The following KCNT2 variants were observed in gnomAD, a reference collection of about 807,000 sequenced individuals.
The protein encoded by KCNT2 is potassium channel subfamily T member 2.
A neutral mutation model predicts 153.8 loss-of-function variants in KCNT2; 67 were observed. The ratio of observed to expected loss-of-function variants is 0.44; its 90% CI spans 0.36 to 0.53. The LOEUF (loss-of-function observed/expected upper bound fraction) is 0.53, where lower values mean the gene tolerates loss of function less well. Among genes scored for constraint, KCNT2 ranks in the 20% least tolerant of loss-of-function variants. The probability of loss-of-function intolerance (pLI) is 0.00; values close to 1 mark genes in which losing one functional copy is unlikely to be tolerated. For synonymous variants in KCNT2, 500 were observed against 458.8 expected, an observed-to-expected ratio of 1.09 and a Z score of -1.15; for missense variants, 975 against 1,354.8, an observed-to-expected ratio of 0.72 and a Z score of 4.40.
chr1:196,434,676 A>G (rs1222417118), intron 8 of KCNT2, among the ~76,000 whole-genome samples: 1 of 151,964 alleles, frequency 6.6e-6, no homozygotes, highest in African/African-American at 2.4e-5. Flanking sequence ...TGTACCACCC[A>G]TCAAGATATG....
intron 26 of KCNT2, among the ~76,000 whole-genome samples, chr1:196,250,114 A>T (rs528415346): frequency 2.0e-5 from 3 of 152,184 alleles, no homozygotes; most frequent in African/African-American, 7.2e-5. Context: ...TAAAATTTAT[A>T]TGGTACCACA....
rs561944079 is a variant in KCNT2, at chr1:196,451,217, C to CTTT, written c.638+14073_638+14075dup. Among the ~76,000 whole-genome samples the CTTT allele has an allele frequency of 3.1e-3, 197 of 63,526 alleles. 7 individuals carry two copies. The highest frequency in any genetic ancestry group is 5.8e-3 in the Admixed American group (21 of 3,640). 41.7% of individuals were successfully genotyped at this position (63,526 alleles called of 152,430 possible). A position where few individuals can be genotyped will look rare whatever the true frequency, so the allele number is the denominator to read the frequency against. On this transcript the variant is annotated intron_variant, in intron 8 of 27. Coordinates refer to ENST00000294725, the MANE Select transcript of KCNT2 (RefSeq NM_198503.5). Reference sequence around the variant, plus strand: ...GCTATATCCCTCTTAATCCCTCTTTCTTTTTTTTTTTTTTTTTTTTTTTTT... The same window carrying CTTT: ...GCTATATCCCTCTTAATCCCTCTTTCTTTTTTTTTTTTTTTTTTTTTTTTTTTT...
intron 14 of KCNT2, among the ~76,000 whole-genome samples, chr1:196,346,286 G>A (rs999199740): frequency 6.6e-6 from 1 of 151,832 alleles, no homozygotes. Flanking sequence ...TAATATTTTA[G>A]GACTAATATT....
intron 25 of KCNT2, among the ~76,000 whole-genome samples, chr1:196,268,874 A>G (rs1571855700): frequency 6.6e-6 from 1 of 152,072 alleles, no homozygotes; most frequent in Non-Finnish European, 1.5e-5. Context: ...TTAACATCCA[A>G]ACCAAATTTT....
intron 1 of KCNT2, among the ~76,000 whole-genome samples, chr1:196,577,995 T>C (rs1213179449): frequency 1.3e-5 from 2 of 152,160 alleles, no homozygotes. Flanking sequence ...ATTTTTTTTT[T>C]ATTAGGAAAA....
intron 16 of KCNT2, among the ~76,000 whole-genome samples, chr1:196,339,520 CAGAGAGAGAGAGAGAGAG>C (rs5779831): frequency 7.3e-6 from 1 of 137,908 alleles, no homozygotes; most frequent in African/African-American, 2.9e-5. Context: ...CACACACACA[CAGAGAGAGAGAGAGAGAG>C]AGAGAGAGAG....
At chr1:196,327,668 C>CTTTTTTTTTTTTTTTTTTTTTTTTTTTTT (rs773639795) in intron 18 of KCNT2, among the ~76,000 whole-genome samples, 1 of 127,898 alleles carries the variant, frequency 7.8e-6, no homozygotes, top group Non-Finnish European at 1.6e-5. Context: ...ATATTCTGAT[C>CTTTTTTTTTTTTTTTTTTTTTTTTTTTTT]TTTTTTTTTT....
intron 13 of KCNT2, among the ~76,000 whole-genome samples, chr1:196,374,417 C>T (rs1255491697): frequency 2.6e-5 from 4 of 151,616 alleles, no homozygotes; most frequent in African/African-American, 9.7e-5. Flanking sequence ...TTTTATTTTG[C>T]TTTCATTTTT....
intron 26 of KCNT2, among the ~76,000 whole-genome samples, chr1:196,236,690 AAT>A (rs1022914453): frequency 2.0e-5 from 3 of 151,546 alleles, no homozygotes; most frequent in Non-Finnish European, 4.4e-5. Flanking sequence ...TTCCTAAAGC[AAT>A]ATATATATGT....
At chr1:196,241,625 T>C (rs1654968002) in intron 26 of KCNT2, among the ~76,000 whole-genome samples, 1 of 152,082 alleles carries the variant, frequency 6.6e-6, no homozygotes, top group Admixed American at 6.6e-5. Flanking sequence ...ACATTTGAAC[T>C]CTCTTAATTT....
At chr1:196,276,541 C>T (rs923376534) in intron 25 of KCNT2, among the ~76,000 whole-genome samples, 4 of 151,928 alleles carry the variant, frequency 2.6e-5, no homozygotes, top group African/African-American at 7.2e-5. Flanking sequence ...CATCACCATC[C>T]TATTGATCCT....
At chr1:196,404,032 C>A (rs985448194) in intron 12 of KCNT2, 2 of 298,336 alleles carry the variant, frequency 6.7e-6, no homozygotes, top group Non-Finnish European at 9.9e-6. Flanking sequence ...CTTTGACATT[C>A]TTATCCCAAA....
At chr1:196,529,719 T>A (rs991101260) in intron 1 of KCNT2, among the ~76,000 whole-genome samples, 2 of 152,118 alleles carry the variant, frequency 1.3e-5, no homozygotes, top group African/African-American at 4.8e-5. Context: ...GGAAGACCAG[T>A]GTACTGGTTA....
chr1:196,600,604 G>C (rs1664617928), intron 1 of KCNT2, among the ~76,000 whole-genome samples: 1 of 152,096 alleles, frequency 6.6e-6, no homozygotes, highest in Admixed American at 6.5e-5. Flanking sequence ...CTATGTTATG[G>C]AGCACAACAA....
chr1:196,524,792 T>C (rs1244410674), intron 1 of KCNT2, among the ~76,000 whole-genome samples: 2 of 152,204 alleles, frequency 1.3e-5, no homozygotes, highest in African/African-American at 2.4e-5. Flanking sequence ...CAAATTTTCA[T>C]TTTACTTCTA....
At chr1:196,572,190 C>T (rs1660858224) in intron 1 of KCNT2, among the ~76,000 whole-genome samples, 1 of 151,986 alleles carries the variant, frequency 6.6e-6, no homozygotes, top group East Asian at 1.9e-4. Context: ...ACCTTCTCAC[C>T]AAAATTAAAC....
chr1:196,468,440 T>A (rs1264675304), intron 6 of KCNT2, among the ~76,000 whole-genome samples: 2 of 152,130 alleles, frequency 1.3e-5, no homozygotes, highest in Non-Finnish European at 2.9e-5. Context: ...AATATAGTTT[T>A]GCAAAAGGAA....
chr1:196,391,213 C>T (rs1670460289), intron 13 of KCNT2, among the ~76,000 whole-genome samples: 1 of 151,212 alleles, frequency 6.6e-6, no homozygotes, highest in African/African-American at 2.4e-5. Flanking sequence ...TACAGGGTGA[C>T]AGGTAAAGGC....
intron 13 of KCNT2, among the ~76,000 whole-genome samples, chr1:196,395,375 T>G (rs551974403): frequency 6.6e-6 from 1 of 151,712 alleles, no homozygotes; most frequent in African/African-American, 2.4e-5. Flanking sequence ...TTGTAAAACA[T>G]TATGGGAGAG....
Sources: gnomAD v4.1 joint callset for allele counts (sites outside exome capture counted in the v4.1 genomes callset) on GRCh38, gnomAD v4.1.1 for gene constraint, MANE v1.5 for transcripts, NCBI Gene and HGNC (gene_info 2026-07-23, HGNC 2026-07-21) for gene names.